Variants in ASAP2 observed in about 807,000 individuals in gnomAD.
ASAP2 encodes arf-GAP with SH3 domain, ANK repeat and PH domain-containing protein 2.
In ASAP2, 45 loss-of-function variants were observed where a neutral mutation model predicts 131.4. The observed-to-expected ratio is 0.34, with a 90% CI of 0.27 to 0.44. The LOEUF (loss-of-function observed/expected upper bound fraction) is 0.44, where lower values mean the gene tolerates loss of function less well. Among genes scored for constraint, ASAP2 ranks in the 20% least tolerant of loss-of-function variants. The pLI, the probability that ASAP2 is intolerant of heterozygous loss-of-function variation, is 1.00. For synonymous variants in ASAP2, 510 were observed against 503.0 expected (o/e 1.01, Z -0.19); for missense variants, 1,011 against 1,297.0 (o/e 0.78, Z 3.39).
intron 11 of ASAP2, 117 bp downstream of exon 11, chr2:9,344,917 G>C (rs893657327): frequency 7.6e-6 from 6 of 794,502 alleles, no homozygotes; most frequent in Non-Finnish European, 1.2e-5. Context: ...TTAAGGATGT[G>C]TCTTAGAGAA....
intron 16 of ASAP2, 92 bp downstream of exon 16, chr2:9,368,611 A>T (rs1357551395): frequency 6.8e-6 from 7 of 1,036,016 alleles, no homozygotes; most frequent in African/African-American, 1.6e-5. Context: ...TTTTGGGTGC[A>T]TCCATCGTTG....
chr2:9,296,601 A>G (rs957962604), intron 2 of ASAP2, among the ~76,000 whole-genome samples: 3 of 152,268 alleles, frequency 2.0e-5, no homozygotes, highest in African/African-American at 7.2e-5. Flanking sequence ...TCGAAGATGA[A>G]TACAACTTAG....
chr2:9,316,969 C>CCA (rs74862001), intron 3 of ASAP2, among the ~76,000 whole-genome samples: 45,347 of 139,818 alleles, frequency 0.32, 7,879 homozygotes, highest in African/African-American at 0.36. Context: ...ACACACCCCC[C>CCA]GTCACACCCT....
rs944274403 is a variant in ASAP2 at position 9,230,879 on chromosome 2, T to C, written c.126+23649T>C. ...AGCAACAAAGCCCAGAGATGGGGTCTGCCTGCACAGGAGCATGGGCCAGGG... is the reference window on the plus strand; with the variant it reads ...AGCAACAAAGCCCAGAGATGGGGTCCGCCTGCACAGGAGCATGGGCCAGGG... On this transcript the variant is annotated intron_variant, in intron 1 of 27. Coordinates refer to ENST00000281419, the MANE Select transcript of ASAP2 (RefSeq NM_003887.3). Among the ~76,000 whole-genome samples the C allele has an allele frequency of 3.3e-5, 5 of 152,296 alleles. No individual in the cohort carries two copies. In the East Asian group the frequency reaches 9.6e-4, roughly 29 times the overall value.
chr2:9,327,751 T>C lies in ASAP2; in HGVS notation c.601-75T>C, dbSNP rs554972187. ...GATGCCAAAGAAGTAGAAGAAATCA[T>C]CTCAGTCCTCAGAAGCTCCTTTTAA... On this transcript the variant is annotated intron_variant, in intron 6 of 27. Transcript: ENST00000281419. The C allele has an allele frequency of 4.7e-6, 5 of 1,065,380 alleles. No homozygotes were observed. The East Asian group carries it at 1.3e-4, about 29-fold the overall frequency. The allele number at this position is 1,065,380 out of a possible 1,614,324, so 66.0% of individuals were successfully genotyped here. A position where few individuals can be genotyped will look rare whatever the true frequency, so the allele number is the denominator to read the frequency against.
At chr2:9,279,819 T>C (rs1415027586) in intron 2 of ASAP2, among the ~76,000 whole-genome samples, 1 of 151,572 alleles carries the variant, frequency 6.6e-6, no homozygotes, top group Non-Finnish European at 1.5e-5. Context: ...AATGAATAAA[T>C]AGACAAACAT....
chr2:9,242,828 T>C (rs1224940820), intron 1 of ASAP2, among the ~76,000 whole-genome samples: 2 of 152,224 alleles, frequency 1.3e-5, no homozygotes, highest in African/African-American at 2.4e-5. Context: ...GATTGTCCGA[T>C]GATTGTCAGG....
rs1677083052 is a variant in ASAP2, at chr2:9,404,880, GTT to G, written c.*1557_*1558del. The G allele has an allele frequency of 8.6e-5, 13 of 151,822 alleles. No homozygotes were observed. In the South Asian group the frequency reaches 2.7e-3, roughly 32 times the overall value. The allele number at this position is 151,822 out of a possible 1,614,324, so 9.4% of individuals were successfully genotyped here. A position where few individuals can be genotyped will look rare whatever the true frequency, so the allele number is the denominator to read the frequency against. On this transcript the variant is annotated 3_prime_UTR_variant, in exon 28 of 28. Transcript: ENST00000281419. ...AAATGTGTTATATCTGTAGTTTTTT[GTT>G]TTTGTTTTTTTTTAAAGCACTACAT...
chr2:9,361,930 AT>A (rs1473656239), intron 15 of ASAP2, among the ~76,000 whole-genome samples: 1 of 149,894 alleles, frequency 6.7e-6, no homozygotes, highest in Admixed American at 6.6e-5. Flanking sequence ...GGGATGAAGG[AT>A]TTCCTGAAGT....
rs113196129 is a variant in ASAP2 at position 9,400,197 on chromosome 2, T to G, written c.2734+125T>G. On this transcript the variant is annotated intron_variant, in intron 25 of 27. Coordinates refer to ENST00000281419, the MANE Select transcript of ASAP2 (RefSeq NM_003887.3). The stretch of plus-strand genomic sequence containing the variant: ...GCTGTCTGCCATTCCACAGCCCTCC[T>G]GCCCCCTCCCCTCCTGCCCCCTCCC... The G allele has an allele frequency of 1.7e-3, 1,551 of 924,874 alleles. 17 individuals carry two copies. In the African/African-American group the frequency reaches 0.025, roughly 15 times the overall value. 57.3% of individuals were successfully genotyped at this position (924,874 alleles called of 1,614,324 possible).
At position 9,207,270 on chromosome 2, in the gene ASAP2, C is replaced by G; in HGVS notation, c.126+40C>G. On this transcript the variant is annotated intron_variant, in intron 1 of 27. Coordinates refer to ENST00000281419, the MANE Select transcript of ASAP2 (RefSeq NM_003887.3). This position sits in a 1 kb window ranked among gnomAD's most constrained non-coding sequence, Gnocchi z 4.1. ...GCGGCGGCTCCGGCCGCAGGTATCC[C>G]GCGCCCCAGCCCCGCCCGCCGCTCC... The G allele has an allele frequency of 6.7e-7, 1 of 1,497,314 alleles. No individual in the cohort carries two copies. Among genetic ancestry groups the G allele is most frequent in the Non-Finnish European group, 8.9e-7 (1 of 1,125,280 alleles). 92.8% of individuals were successfully genotyped at this position (1,497,314 alleles called of 1,614,324 possible).
At chr2:9,386,240 T>C (rs1339695940) in intron 21 of ASAP2, among the ~76,000 whole-genome samples, 4 of 152,184 alleles carry the variant, frequency 2.6e-5, no homozygotes, top group Admixed American at 2.6e-4. Flanking sequence ...ATGGCATTTC[T>C]GAAACCTGTT....
intron 1 of ASAP2, among the ~76,000 whole-genome samples, chr2:9,270,072 C>G (rs1203855497): frequency 6.6e-6 from 1 of 152,206 alleles, no homozygotes; most frequent in African/African-American, 2.4e-5. Flanking sequence ...GGACACATCC[C>G]CCTCTCTGGT....
In ASAP2 at chr2:9,400,085, T is replaced by C. The variant is rs746282174; in HGVS notation, c.2734+13T>C. Reference sequence around the variant, plus strand: ...CCGAGAGGACCTGGTAATTATTTAATTTGGGACTGAGTTTGTTTCTGCTTG... The same window carrying C: ...CCGAGAGGACCTGGTAATTATTTAACTTGGGACTGAGTTTGTTTCTGCTTG... On this transcript the variant is annotated intron_variant, in intron 25 of 27. Coordinates refer to ENST00000281419, the MANE Select transcript of ASAP2 (RefSeq NM_003887.3). 1.9e-6 allele frequency: 3 copies of C among 1,612,544 alleles called. No homozygotes were observed. In the South Asian group the frequency reaches 3.3e-5, roughly 18 times the overall value.
At chr2:9,223,082 C>A (rs1051550530) in intron 1 of ASAP2, among the ~76,000 whole-genome samples, 1 of 152,234 alleles carries the variant, frequency 6.6e-6, no homozygotes, top group African/African-American at 2.4e-5. Context: ...TCTCTCAAGT[C>A]ACACTTGCAA....
intron 3 of ASAP2, among the ~76,000 whole-genome samples, chr2:9,315,562 G>T (rs1669605381): frequency 6.6e-6 from 1 of 152,138 alleles, no homozygotes. Flanking sequence ...AGAGCTGGCT[G>T]CATACTTGGG....
At chr2:9,345,826 C>T (rs770521039) in intron 11 of ASAP2, among the ~76,000 whole-genome samples, 20 of 152,198 alleles carry the variant, frequency 1.3e-4, no homozygotes, top group South Asian at 2.1e-4. Context: ...TCCAGAGAAA[C>T]GGCCCTGAGG....
At chr2:9,357,870 C>G (rs1332004583) in intron 14 of ASAP2, among the ~76,000 whole-genome samples, 1 of 152,184 alleles carries the variant, frequency 6.6e-6, no homozygotes, top group Non-Finnish European at 1.5e-5. Flanking sequence ...CCGTGAGTTT[C>G]TCAGGGCAAC....
intron 1 of ASAP2, among the ~76,000 whole-genome samples, chr2:9,270,494 C>G (rs950770761): frequency 2.0e-5 from 3 of 151,972 alleles, no homozygotes; most frequent in Non-Finnish European, 2.9e-5. Context: ...TATTTTGATA[C>G]AGGCATGCAG....
Sources: gnomAD v4.1 joint callset for allele counts (sites outside exome capture counted in the v4.1 genomes callset) on GRCh38, gnomAD v4.1.1 for gene constraint, Gnocchi (gnomAD v3.1) non-coding constraint, MANE v1.5 for transcripts, NCBI Gene and HGNC (gene_info 2026-07-23, HGNC 2026-07-21) for gene names.